The following ABCA13 variants were observed in gnomAD, a reference collection of about 807,000 sequenced individuals.
ABCA13 encodes the protein ATP binding cassette subfamily A member 13, also known as ATP-binding cassette sub-family A member 13.
ABCA13 carries 476 observed loss-of-function variants against 478.7 expected under a neutral mutation model. That is an observed-to-expected ratio of 0.99 (90% CI 0.92 to 1.07). ABCA13 has a LOEUF of 1.07. Among genes scored for constraint, ABCA13 ranks in the 50% least tolerant of loss-of-function variants. The pLI, the probability that ABCA13 is intolerant of heterozygous loss-of-function variation, is 0.00. For synonymous variants in ABCA13, 2,252 were observed against 2,158.9 expected, an observed-to-expected ratio of 1.04 and a Z score of -1.20; for missense variants, 6,060 against 5,910.6, an observed-to-expected ratio of 1.03 and a Z score of -0.83.
chr7:48,354,939 C>T (rs1809650317), intron 31 of ABCA13, among the ~76,000 whole-genome samples: 3 of 152,074 alleles, frequency 2.0e-5, no homozygotes, highest in Non-Finnish European at 2.9e-5. Context: ...GAATGAGCTA[C>T]ATATTCATTA....
At chr7:48,475,046 A>G (rs927868910) in intron 45 of ABCA13, among the ~76,000 whole-genome samples, 5 of 152,236 alleles carry the variant, frequency 3.3e-5, no homozygotes, top group Non-Finnish European at 7.3e-5. Flanking sequence ...CTAAGAAGCT[A>G]TTTGGTGATA....
At chr7:48,404,053 A>C (rs368191649) in intron 39 of ABCA13, 174 bp downstream of exon 39, 1 of 741,366 alleles carries the variant, frequency 1.3e-6, no homozygotes, top group Non-Finnish European at 2.3e-6. Context: ...TAACATCTCT[A>C]TAGTGCTTAG....
intron 59 of ABCA13, among the ~76,000 whole-genome samples, chr7:48,641,655 A>C (rs925492645): frequency 2.0e-5 from 3 of 152,174 alleles, no homozygotes; most frequent in African/African-American, 7.2e-5. Context: ...AATAAACATG[A>C]GACCAGAAAC....
At chr7:48,432,208 G>T (rs774730320) in intron 42 of ABCA13, among the ~76,000 whole-genome samples, 1 of 151,894 alleles carries the variant, frequency 6.6e-6, no homozygotes, top group Non-Finnish European at 1.5e-5. Flanking sequence ...ATGGCCAACA[G>T]GTATATGAAA....
Position 48,279,616 on chromosome 7 carries a change from A to G in ABCA13, c.8422A>G (p.Thr2808Ala). 1 of 1,612,760 alleles carries G rather than the reference A, an allele frequency of 6.2e-7. No individual in the cohort carries two copies. The highest frequency in any genetic ancestry group is 1.3e-5 in the African/African-American group (1 of 74,960). Residue 2808 changes from threonine (T) to alanine (A), a missense_variant, in exon 18 of 62, where the codon ACT becomes GCT. Coordinates refer to ENST00000435803, the MANE Select transcript of ABCA13 (RefSeq NM_152701.5). ...TGACACACCTTTGAGTCAGAATATA[A>G]CTCATCATCAACTTGAAAAAGCAAT... ...YFDTPLSQNI[T>A]HHQLEKAIHN...
intron 58 of ABCA13, among the ~76,000 whole-genome samples, chr7:48,596,977 A>C (rs1409526469): frequency 1.3e-5 from 2 of 150,032 alleles, no homozygotes; most frequent in African/African-American, 2.5e-5. Context: ...TTTGAGACAG[A>C]GTCTTGCTCA....
chr7:48,447,722 A>G (rs141475216), intron 42 of ABCA13, among the ~76,000 whole-genome samples: 25 of 152,318 alleles, frequency 1.6e-4, no homozygotes, highest in South Asian at 8.3e-4. Context: ...TGAATACAAT[A>G]TTTGGTCAAT....
chr7:48,633,930 A>G lies in ABCA13; in HGVS notation c.14838-9358A>G, dbSNP rs968174087. Among the ~76,000 whole-genome samples the G allele has an allele frequency of 4.4e-5, 5 of 113,444 alleles. No individual in the cohort carries two copies. In the Admixed American group the frequency reaches 4.8e-4, roughly 11 times the overall value. 74.4% of individuals were successfully genotyped at this position (113,444 alleles called of 152,430 possible). A position where few individuals can be genotyped will look rare whatever the true frequency, so the allele number is the denominator to read the frequency against. On this transcript the variant is annotated intron_variant, in intron 59 of 61. Transcript: ENST00000435803. ...TAGATAGATACATAGATAGATAGAT[A>G]CATAGATAGATAGATAGATAGATAG...
chr7:48,338,240 T>G (rs1806577246), intron 28 of ABCA13, 125 bp from the exon 29 acceptor site: 3 of 598,386 alleles, frequency 5.0e-6, no homozygotes, highest in Non-Finnish European at 8.0e-6. Flanking sequence ...TAAAACTTCT[T>G]TTAAGTGGAT....
Position 48,528,225 on chromosome 7 carries a change from T to C in ABCA13, c.14245-11T>C. On this transcript the variant is annotated splice_polypyrimidine_tract_variant and intron_variant, in intron 54 of 61. Transcript: ENST00000435803. ...ATTGAATGTGCTTTACTTAACTTTG[T>C]TTCCTCTTAGTGCTTTGGACTTCTA... 6.4e-7 allele frequency: 1 copy of C among 1,557,208 alleles called. No individual in the cohort carries two copies. Among genetic ancestry groups the C allele is most frequent in the Non-Finnish European group, 8.7e-7 (1 of 1,147,622 alleles).
chr7:48,411,421 C>T lies in ABCA13; in HGVS notation c.12228+744C>T, dbSNP rs575240385. On this transcript the variant is annotated intron_variant, in intron 40 of 61. Coordinates refer to ENST00000435803, the MANE Select transcript of ABCA13 (RefSeq NM_152701.5). ...GTTCCAGGTTCAAGCAATTCTCCTG[C>T]CTCAGCCTCCCGAGTAGCTGGGACT... 2.6e-5 allele frequency among the ~76,000 whole-genome samples: 4 copies of T among 151,912 alleles called. No homozygotes were observed. The South Asian group carries it at 8.3e-4, about 32-fold the overall frequency.
At chr7:48,558,177 T>TCCTC (rs1486437611) in intron 55 of ABCA13, among the ~76,000 whole-genome samples, 1 of 97,952 alleles carries the variant, frequency 1.0e-5, no homozygotes, top group Non-Finnish European at 2.0e-5. Context: ...CTCCCTCCCT[T>TCCTC]CCTCCCTTCC....
chr7:48,285,999 A>G (rs1249079752), intron 19 of ABCA13, among the ~76,000 whole-genome samples: 1 of 152,216 alleles, frequency 6.6e-6, no homozygotes, highest in East Asian at 1.9e-4. Context: ...TCTACTCTGC[A>G]TTTTATGTGG....
intron 48 of ABCA13, among the ~76,000 whole-genome samples, chr7:48,505,815 C>T (rs1831154279): frequency 6.6e-6 from 1 of 152,182 alleles, no homozygotes; most frequent in East Asian, 1.9e-4. Flanking sequence ...TTCATTTTGG[C>T]CGCTGGCATC....
chr7:48,251,330 T>C (rs1792524136), intron 15 of ABCA13, among the ~76,000 whole-genome samples: 1 of 152,244 alleles, frequency 6.6e-6, no homozygotes, highest in Admixed American at 6.5e-5. Context: ...GTCTCAATGA[T>C]ACTGATAATT....
chr7:48,411,100 T>G (rs564446555), intron 40 of ABCA13, among the ~76,000 whole-genome samples: 1 of 131,176 alleles, frequency 7.6e-6, no homozygotes, highest in African/African-American at 2.6e-5. Context: ...TTCCTTTCCT[T>G]TCCTTTTCTT....
chr7:48,519,997 G>C lies in ABCA13; in HGVS notation c.13798-44G>C, dbSNP rs115185872. Reference sequence around the variant, plus strand: ...TTATTGGTATATATTATGAAAAGGGGAATAGCTTTTAATTGGATTTTTTTT... The same window carrying C: ...TTATTGGTATATATTATGAAAAGGGCAATAGCTTTTAATTGGATTTTTTTT... On this transcript the variant is annotated intron_variant, in intron 52 of 61. Transcript: ENST00000435803. 4,459 of 1,544,236 alleles carry C rather than the reference G, an allele frequency of 2.9e-3. 117 individuals are homozygous for C. In the African/African-American group the frequency reaches 0.053, roughly 19 times the overall value.
chr7:48,439,257 C>A (rs1002525107), intron 42 of ABCA13, among the ~76,000 whole-genome samples: 4 of 152,072 alleles, frequency 2.6e-5, no homozygotes, highest in African/African-American at 9.7e-5. Flanking sequence ...TTGTTTAGGT[C>A]TTTGGCAGAA....
chr7:48,244,525 G>A, intron 10 of ABCA13, 51 bp from the exon 11 acceptor site: 1 of 1,570,600 alleles, frequency 6.4e-7, no homozygotes, highest in Non-Finnish European at 8.6e-7. Flanking sequence ...TCCCTAATTG[G>A]CACTTCGAAC....
Sources: allele counts gnomAD v4.1 joint callset (sites outside exome capture counted in the v4.1 genomes callset), GRCh38; gene constraint gnomAD v4.1.1; transcripts MANE v1.5; gene names NCBI Gene and HGNC (gene_info 2026-07-23, HGNC 2026-07-21).